TMEM168: variants seen among roughly 807,000 people sequenced by gnomAD.
TMEM168 encodes transmembrane protein 168.
In TMEM168, 40 loss-of-function variants were observed where a neutral mutation model predicts 53.2. That is an observed-to-expected ratio of 0.75 (90% CI 0.58 to 0.98). TMEM168 has a LOEUF of 0.98. Ranked by LOEUF, TMEM168 falls within the 50% of genes least tolerant of loss-of-function variation. TMEM168 has a pLI of 0.00. For synonymous variants in TMEM168, 282 were observed against 293.0 expected, an observed-to-expected ratio of 0.96 and a Z score of 0.38; for missense variants, 771 against 828.8, an observed-to-expected ratio of 0.93 and a Z score of 0.86.
In TMEM168 at chr7:112,784,645, T is replaced by A; in HGVS notation, c.181A>T (p.Asn61Tyr). 2 of 1,612,034 alleles carry A rather than the reference T, an allele frequency of 1.2e-6. No homozygotes were observed. The highest frequency in any genetic ancestry group is 2.2e-5 in the South Asian group (2 of 90,310). ...GLYVRWEKTA[N>Y]SLILVIFILG... ...ATAAAAATTACCAAAATTAAGGAAT[T>A]TGCTGTTTTTTCCCATCTTACGTAT... The change falls in exon 2 of 5, where the codon AAT becomes TAT. Residue 61 changes from asparagine to tyrosine, a missense_variant. Physicochemically the swap from Asn to Tyr is moderately radical, Grantham distance 143. Transcript: ENST00000312814.
At chr7:112,786,726 A>G (rs1793390688) in intron 1 of TMEM168, among the ~76,000 whole-genome samples, 1 of 152,202 alleles carries the variant, frequency 6.6e-6, no homozygotes, top group Non-Finnish European at 1.5e-5. Flanking sequence ...GACGGGGGGA[A>G]GAAATTCACA....
chr7:112,788,786 T>A (rs1389791197), intron 1 of TMEM168, among the ~76,000 whole-genome samples: 1 of 152,202 alleles, frequency 6.6e-6, no homozygotes, highest in South Asian at 2.1e-4. Context: ...CTGTCTACTA[T>A]TCTTCCTAAA....
Position 112,784,601 on chromosome 7 carries a change from A to C in TMEM168, c.225T>G (p.Leu75=). Residue 75 remains leucine, a synonymous_variant, in exon 2 of 5, where the codon CTT becomes CTG. Coordinates refer to ENST00000312814, the MANE Select transcript of TMEM168 (RefSeq NM_022484.6). Reference sequence around the variant, plus strand: ...AGTAATAGAGTATGCTGGCGATTCCAAGAACAAAAAGACCAAGAATAAAAA... The same window carrying C: ...AGTAATAGAGTATGCTGGCGATTCCCAGAACAAAAAGACCAAGAATAAAAA... The part of the protein sequence containing the change: ...LVIFILGLFV[L]GIASILYYYF... 6.2e-7 allele frequency: 1 copy of C among 1,611,974 alleles called. No homozygotes were observed. Among genetic ancestry groups the C allele is most frequent in the Non-Finnish European group, 8.5e-7 (1 of 1,179,432 alleles).
intron 4 of TMEM168, among the ~76,000 whole-genome samples, chr7:112,771,751 C>T (rs1233083952): frequency 6.6e-6 from 1 of 151,956 alleles, no homozygotes; most frequent in African/African-American, 2.4e-5. Context: ...TCTGTCCTTC[C>T]ATACTACTTC....
At chr7:112,787,949 C>T (rs1325252586) in intron 1 of TMEM168, among the ~76,000 whole-genome samples, 8 of 151,772 alleles carry the variant, frequency 5.3e-5, no homozygotes, top group Admixed American at 5.3e-4. Flanking sequence ...TCAGGCTGGT[C>T]TTGAACTCCC....
At chr7:112,778,126 G>A (rs754796314) in intron 2 of TMEM168, 1 of 152,156 alleles carries the variant, frequency 6.6e-6, no homozygotes, top group South Asian at 2.1e-4. Flanking sequence ...CCACCAACAG[G>A]ACACAAGGGC....
rs1220635826 is a variant in TMEM168, at chr7:112,762,603, A to G, written c.*4594T>C. 1 of 152,058 alleles carries G rather than the reference A, an allele frequency of 6.6e-6. No homozygotes were observed. Among genetic ancestry groups the G allele is most frequent in the African/African-American group, 2.4e-5 (1 of 41,448 alleles). The allele number at this position is 152,058 out of a possible 1,614,324, so 9.4% of individuals were successfully genotyped here. ...TCTACTTCTAACTATTTTAAGTTCA[A>G]ACTTATAAAATATTATGAGGTCATC... On this transcript the variant is annotated 3_prime_UTR_variant, in exon 5 of 5. Coordinates refer to ENST00000312814, the MANE Select transcript of TMEM168 (RefSeq NM_022484.6).
chr7:112,782,404 C>T (rs75984605), intron 2 of TMEM168, among the ~76,000 whole-genome samples: 64 of 152,170 alleles, frequency 4.2e-4, no homozygotes, highest in African/African-American at 1.5e-3. Context: ...GGAATGGCAT[C>T]CAGCATGAAT....
Position 112,763,479 on chromosome 7 carries a change from T to G in TMEM168, c.*3718A>C, listed in dbSNP as rs1792704419. The G allele has an allele frequency of 6.6e-6, 1 of 152,150 alleles. No individual in the cohort carries two copies. Among genetic ancestry groups the G allele is most frequent in the African/African-American group, 2.4e-5 (1 of 41,446 alleles). The allele number at this position is 152,150 out of a possible 1,614,324, so 9.4% of individuals were successfully genotyped here. Reference sequence around the variant, plus strand: ...ACTGTGTACCAGAAATACCAACATGTGTAAGCCTCTGCCTAAAAAGAGGTG... The same window carrying G: ...ACTGTGTACCAGAAATACCAACATGGGTAAGCCTCTGCCTAAAAAGAGGTG... On this transcript the variant is annotated 3_prime_UTR_variant, in exon 5 of 5. Transcript: ENST00000312814.
intron 2 of TMEM168, among the ~76,000 whole-genome samples, chr7:112,777,432 T>C (rs1283598259): frequency 6.6e-6 from 1 of 152,208 alleles, no homozygotes; most frequent in East Asian, 1.9e-4. Flanking sequence ...TCTCTTCTTC[T>C]GTTCTGTTGT....
chr7:112,785,012 T>A, intron 1 of TMEM168, 59 bp from the exon 2 acceptor site: 1 of 450,736 alleles, frequency 2.2e-6, no homozygotes, highest in Non-Finnish European at 3.7e-6. Flanking sequence ...CATTATTTTA[T>A]ATAAAGATGC....
intron 2 of TMEM168, among the ~76,000 whole-genome samples, chr7:112,779,804 T>C (rs1793180744): frequency 6.6e-6 from 1 of 152,250 alleles, no homozygotes; most frequent in Non-Finnish European, 1.5e-5. Flanking sequence ...AATTTCTTTA[T>C]GCAATGTCAT....
At chr7:112,776,687 G>A (rs919591301) in intron 2 of TMEM168, among the ~76,000 whole-genome samples, 1 of 150,338 alleles carries the variant, frequency 6.7e-6, no homozygotes, top group Non-Finnish European at 1.5e-5. Flanking sequence ...TCATCTATAC[G>A]CACAGCTACT....
At chr7:112,789,531 A>G in intron 1 of TMEM168, among the ~76,000 whole-genome samples, 1 of 152,236 alleles carries the variant, frequency 6.6e-6, no homozygotes, top group East Asian at 1.9e-4. Flanking sequence ...GAACTAAGGG[A>G]GAGTCCATGA....
intron 2 of TMEM168, among the ~76,000 whole-genome samples, chr7:112,781,258 C>T (rs1308962519): frequency 6.6e-6 from 1 of 152,028 alleles, no homozygotes; most frequent in Non-Finnish European, 1.5e-5. Context: ...CCACCACCAA[C>T]CAACTTAATC....
Position 112,784,730 on chromosome 7 carries a change from T to G in TMEM168, c.96A>C (p.Ser32=), listed in dbSNP as rs770701904. ...TGGCTAAATAGCCAAGATACCGCAC[T>G]GAAGAATGCATGTTCACTTCTCTAT... ...EVNREVNMHS[S]VRYLGYLARI... Residue 32 remains serine (S), a synonymous_variant, in exon 2 of 5, where the codon TCA becomes TCC. Transcript: ENST00000312814. 4 of 1,613,950 alleles carry G rather than the reference T, an allele frequency of 2.5e-6. No homozygotes were observed. The highest frequency in any genetic ancestry group is 1.7e-4 in the Middle Eastern group (1 of 6,060).
intron 2 of TMEM168, among the ~76,000 whole-genome samples, chr7:112,780,364 T>C (rs1793195131): frequency 6.6e-6 from 1 of 152,198 alleles, no homozygotes; most frequent in African/African-American, 2.4e-5. Flanking sequence ...AAAGCTTATG[T>C]TAACACAAAC....
Position 112,765,704 on chromosome 7 carries a change from C to A in TMEM168, c.*1493G>T, listed in dbSNP as rs1792758489. The A allele has an allele frequency of 6.6e-6, 1 of 152,402 alleles. No homozygotes were observed. The highest frequency in any genetic ancestry group is 2.4e-5 in the African/African-American group (1 of 41,400). 9.4% of individuals were successfully genotyped at this position (152,402 alleles called of 1,614,324 possible). On this transcript the variant is annotated 3_prime_UTR_variant, in exon 5 of 5. Coordinates refer to ENST00000312814, the MANE Select transcript of TMEM168 (RefSeq NM_022484.6). The stretch of plus-strand genomic sequence containing the variant: ...CTTTTAATAAATATACTAAAATATT[C>A]AATATTTGCACATCATTAAATAAAA...
rs1251063783 is a variant in TMEM168, at chr7:112,784,084, C to T, written c.742G>A (p.Val248Ile). 1.2e-6 allele frequency: 2 copies of T among 1,612,752 alleles called. No individual in the cohort carries two copies. The highest frequency in any genetic ancestry group is 1.7e-6 in the Non-Finnish European group (2 of 1,179,800). ...AAAAAGGGTTTCCATCTTTCAGTTA[C>T]TGAAAGTCCACTAAAATAAATGTCA... ...FLDIYFSGLSVTERWKPFLYR... is the reference protein window; with the variant it reads ...FLDIYFSGLSITERWKPFLYR... Residue 248 changes from valine to isoleucine, a missense_variant, in exon 2 of 5, where the codon GTA becomes ATA. Coordinates refer to ENST00000312814, the MANE Select transcript of TMEM168 (RefSeq NM_022484.6).
Sources: allele counts gnomAD v4.1 joint callset (sites outside exome capture counted in the v4.1 genomes callset), GRCh38; gene constraint gnomAD v4.1.1; transcripts MANE v1.5; gene names NCBI Gene and HGNC (gene_info 2026-07-23, HGNC 2026-07-21).